PRKG1: variants seen among roughly 807,000 people sequenced by gnomAD.
The protein encoded by PRKG1 is cGMP-dependent protein kinase 1.
In PRKG1, 35 loss-of-function variants were observed where a neutral mutation model predicts 88.1. The observed-to-expected ratio is 0.40, with a 90% CI of 0.30 to 0.53. The LOEUF is 0.53. Among genes scored for constraint, PRKG1 ranks in the 20% least tolerant of loss-of-function variants. The pLI is 0.59. For missense variants in PRKG1, 540 were observed against 839.8 expected (o/e 0.64, Z 4.41); for synonymous variants, 303 against 292.5 (o/e 1.04, Z -0.37).
intron 5 of PRKG1, among the ~76,000 whole-genome samples, chr10:51,993,681 C>T (rs565593919): frequency 8.0e-5 from 12 of 150,318 alleles, no homozygotes; most frequent in South Asian, 4.2e-4. Flanking sequence ...TTCTGTTCCT[C>T]GATCTACAAA....
chr10:51,037,995 G>T (rs1843374693), intron 1 of PRKG1, among the ~76,000 whole-genome samples: 1 of 152,090 alleles, frequency 6.6e-6, no homozygotes, highest in Non-Finnish European at 1.5e-5. Flanking sequence ...CTTAGTAAGT[G>T]CTTTTATTTA....
intron 3 of PRKG1, among the ~76,000 whole-genome samples, chr10:51,773,383 A>T (rs571978448): frequency 2.2e-4 from 34 of 152,126 alleles, no homozygotes; most frequent in Admixed American, 9.8e-4. Flanking sequence ...TGTGGGGGCT[A>T]TTCAGGGTAC....
At chr10:52,032,296 T>C (rs988043462) in intron 5 of PRKG1, among the ~76,000 whole-genome samples, 1 of 152,204 alleles carries the variant, frequency 6.6e-6, no homozygotes, top group Non-Finnish European at 1.5e-5. Context: ...ACTGTGAGCA[T>C]AGGCTTTCTA....
chr10:51,078,495 G>A (rs1191055012), intron 1 of PRKG1, among the ~76,000 whole-genome samples: 2 of 150,356 alleles, frequency 1.3e-5, no homozygotes, highest in East Asian at 3.9e-4. Flanking sequence ...CTCCAAAAGT[G>A]CTGAGATTAC....
At chr10:51,399,832 A>G (rs1588917681) in intron 2 of PRKG1, among the ~76,000 whole-genome samples, 1 of 152,132 alleles carries the variant, frequency 6.6e-6, no homozygotes. Context: ...GGGGCAACCA[A>G]TATCTGAATC....
chr10:52,025,284 C>G (rs1412879570), intron 5 of PRKG1, among the ~76,000 whole-genome samples: 1 of 152,106 alleles, frequency 6.6e-6, no homozygotes, highest in Admixed American at 6.6e-5. Flanking sequence ...GTTGCCTGTT[C>G]ATTCTGATGG....
intron 9 of PRKG1, among the ~76,000 whole-genome samples, chr10:52,175,121 C>T (rs1377577849): frequency 1.3e-5 from 2 of 152,052 alleles, no homozygotes; most frequent in Admixed American, 6.5e-5. Flanking sequence ...TTTAACAACT[C>T]TCCTTGTCCG....
At chr10:51,994,916 C>G (rs902763294) in intron 5 of PRKG1, among the ~76,000 whole-genome samples, 1 of 152,168 alleles carries the variant, frequency 6.6e-6, no homozygotes, top group Non-Finnish European at 1.5e-5. Context: ...TTTGATCACT[C>G]TACATTTCCA....
intron 7 of PRKG1, among the ~76,000 whole-genome samples, chr10:52,106,298 A>G (rs1467681390): frequency 6.6e-6 from 1 of 152,202 alleles, no homozygotes; most frequent in East Asian, 1.9e-4. Context: ...CGGGGTTGCC[A>G]AATAGAACAT....
chr10:51,756,511 C>G (rs1012229731), intron 3 of PRKG1, among the ~76,000 whole-genome samples: 2 of 140,248 alleles, frequency 1.4e-5, no homozygotes, highest in African/African-American at 2.7e-5. Context: ...GTCAGTAGAG[C>G]CTACAATTAA....
chr10:51,488,111 A>T (rs2132863638), intron 3 of PRKG1, among the ~76,000 whole-genome samples: 1 of 152,288 alleles, frequency 6.6e-6, no homozygotes, highest in East Asian at 1.9e-4. Context: ...TCTATATGAC[A>T]TGTATGATAA....
intron 5 of PRKG1, among the ~76,000 whole-genome samples, chr10:51,953,702 A>G (rs10466028): frequency 0.26 from 39,573 of 151,924 alleles, 5,832 homozygotes; most frequent in East Asian, 0.65. Context: ...TGGAAACACC[A>G]TATTGTGTGT....
chr10:51,723,429 A>G (rs1157702011), intron 3 of PRKG1, among the ~76,000 whole-genome samples: 1 of 152,214 alleles, frequency 6.6e-6, no homozygotes, highest in African/African-American at 2.4e-5. Flanking sequence ...CAACAAGAGC[A>G]CATGAACACA....
Position 52,155,732 on chromosome 10 carries a change from GACAC to G in PRKG1, c.1002-6136_1002-6133del, listed in dbSNP as rs146109771. Among the ~76,000 whole-genome samples, 25 of 147,892 alleles carry G rather than the reference GACAC, an allele frequency of 1.7e-4. No individual in the cohort carries two copies. In the East Asian group the frequency reaches 3.6e-3, roughly 21 times the overall value. On this transcript the variant is annotated intron_variant, in intron 8 of 17. Coordinates refer to ENST00000373980, the MANE Select transcript of PRKG1 (RefSeq NM_006258.4). The stretch of plus-strand genomic sequence containing the variant: ...TCAATTTGTTAACCTATTGCCATTG[GACAC>G]ACACACACACACACACACACGTAAT...
intron 1 of PRKG1, among the ~76,000 whole-genome samples, chr10:51,079,854 T>G (rs1317931317): frequency 6.6e-6 from 1 of 152,188 alleles, no homozygotes; most frequent in Non-Finnish European, 1.5e-5. Flanking sequence ...CAGCAGATGA[T>G]TAGAAGTCTT....
chr10:51,827,264 G>GA (rs1839901479), intron 4 of PRKG1, among the ~76,000 whole-genome samples: 1 of 151,998 alleles, frequency 6.6e-6, no homozygotes, highest in South Asian at 2.1e-4. Flanking sequence ...TAAAAATTAT[G>GA]AAAAAGGTTT....
chr10:52,166,472 C>T (rs1170633812), intron 9 of PRKG1, among the ~76,000 whole-genome samples: 7 of 125,636 alleles, frequency 5.6e-5, no homozygotes, highest in African/African-American at 1.2e-4. Context: ...CTCGCTCTGT[C>T]GCCCAGGCTG....
chr10:51,546,760 T>C (rs1472222870), intron 3 of PRKG1, among the ~76,000 whole-genome samples: 1 of 152,116 alleles, frequency 6.6e-6, no homozygotes, highest in African/African-American at 2.4e-5. Context: ...CACAGTTTTA[T>C]CTGTGACTCT....
intron 1 of PRKG1, among the ~76,000 whole-genome samples, chr10:51,091,262 A>G (rs570727341): frequency 6.6e-6 from 1 of 152,318 alleles, no homozygotes; most frequent in Admixed American, 6.5e-5. Context: ...TACCTATTAT[A>G]CATGTAAAAT....
Sources: allele counts gnomAD v4.1 joint callset (sites outside exome capture counted in the v4.1 genomes callset), GRCh38; gene constraint gnomAD v4.1.1; transcripts MANE v1.5; gene names NCBI Gene and HGNC (gene_info 2026-07-23, HGNC 2026-07-21).